Variants in ACER3 observed in about 807,000 individuals in gnomAD.
The protein encoded by ACER3 is alkaline ceramidase 3.
ACER3 carries 16 observed loss-of-function variants against 48.9 expected under a neutral mutation model. That is an observed-to-expected ratio of 0.33 (90% CI 0.22 to 0.50). ACER3 has a LOEUF of 0.50. Among genes scored for constraint, ACER3 ranks in the 20% least tolerant of loss-of-function variants. ACER3 has a pLI of 0.98. For missense variants in ACER3, 227 were observed against 326.0 expected, an observed-to-expected ratio of 0.70 and a Z score of 2.34; for synonymous variants, 109 against 107.8, an observed-to-expected ratio of 1.01 and a Z score of -0.07.
chr11:76,908,480 G>A (rs1234561179), intron 1 of ACER3, among the ~76,000 whole-genome samples: 2 of 151,946 alleles, frequency 1.3e-5, no homozygotes, highest in Non-Finnish European at 2.9e-5. Context: ...CAAATCATGA[G>A]GGAACTCCCA....
intron 1 of ACER3, among the ~76,000 whole-genome samples, 168 bp from the exon 2 acceptor site, chr11:76,926,389 G>A (rs1482855640): frequency 4.6e-5 from 7 of 152,148 alleles, no homozygotes; most frequent in African/African-American, 1.7e-4. Flanking sequence ...GGATTATTGT[G>A]AGAAATTTTT....
intron 9 of ACER3, among the ~76,000 whole-genome samples, chr11:77,018,901 G>C (rs1412787817): frequency 6.6e-6 from 1 of 152,228 alleles, no homozygotes; most frequent in Non-Finnish European, 1.5e-5. Flanking sequence ...AGGTGAAGCT[G>C]CAGCAAGTTA....
intron 2 of ACER3, among the ~76,000 whole-genome samples, chr11:76,956,216 T>A (rs1201839893): frequency 6.6e-6 from 1 of 152,192 alleles, no homozygotes; most frequent in Non-Finnish European, 1.5e-5. Flanking sequence ...AGAAACCTGA[T>A]AAACAGCAAA....
chr11:77,020,047 T>C (rs1015937749), intron 10 of ACER3, among the ~76,000 whole-genome samples: 12 of 152,194 alleles, frequency 7.9e-5, no homozygotes, highest in Admixed American at 2.6e-4. Context: ...AGCTCCATGC[T>C]TGACAAAGTC....
At chr11:76,942,169 TG>T (rs1296581927) in intron 2 of ACER3, among the ~76,000 whole-genome samples, 1 of 152,090 alleles carries the variant, frequency 6.6e-6, no homozygotes, top group African/African-American at 2.4e-5. Context: ...TTTTTTCTTT[TG>T]CCTGATTGCT....
intron 1 of ACER3, among the ~76,000 whole-genome samples, chr11:76,922,620 A>G (rs1022565363): frequency 6.6e-6 from 1 of 152,198 alleles, no homozygotes; most frequent in Non-Finnish European, 1.5e-5. Flanking sequence ...TTAAAACATT[A>G]TAATTAATAA....
At chr11:76,868,375 ATC>A (rs751868659) in intron 1 of ACER3, 9,206 of 470,830 alleles carry the variant, frequency 0.02, 91 homozygotes, top group African/African-American at 0.025. Context: ...TAGTTTTAAT[ATC>A]TCTCTCTCTC....
chr11:76,976,374 AT>A, intron 4 of ACER3, 33 bp downstream of exon 4: 1 of 1,385,262 alleles, frequency 7.2e-7, no homozygotes, highest in Non-Finnish European at 1.0e-6. Flanking sequence ...TGTTTGATTT[AT>A]TTTTAAATTT....
At chr11:76,976,260 A>G (rs1265521636) in intron 3 of ACER3, 29 bp from the exon 4 acceptor site, 1 of 1,541,494 alleles carries the variant, frequency 6.5e-7, no homozygotes, top group Non-Finnish European at 8.9e-7. Flanking sequence ...ATGATATTCA[A>G]GCCTGTTATC....
chr11:76,939,702 G>A (rs61900091), intron 2 of ACER3, among the ~76,000 whole-genome samples: 1 of 152,180 alleles, frequency 6.6e-6, no homozygotes, highest in South Asian at 2.1e-4. Context: ...CAAAAGTGCT[G>A]AATGAAATTA....
intron 2 of ACER3, among the ~76,000 whole-genome samples, chr11:76,948,507 TG>T (rs756230165): frequency 3.3e-5 from 5 of 152,188 alleles, no homozygotes; most frequent in Admixed American, 6.5e-5. Context: ...CTATTGTGAA[TG>T]CTATCTTCAC....
At chr11:76,994,508 C>T (rs545221847) in intron 6 of ACER3, among the ~76,000 whole-genome samples, 158 of 151,992 alleles carry the variant, frequency 1.0e-3, no homozygotes, top group Non-Finnish European at 1.3e-3. Context: ...TCAAGTGATC[C>T]GCCTGCCTTG....
chr11:77,010,140 T>C (rs1221303480), intron 7 of ACER3, among the ~76,000 whole-genome samples: 1 of 150,408 alleles, frequency 6.6e-6, no homozygotes, highest in African/African-American at 2.5e-5. Flanking sequence ...AAATGTATTC[T>C]TGTGAGACCC....
At chr11:76,904,653 AT>A (rs1820263350) in intron 1 of ACER3, among the ~76,000 whole-genome samples, 1 of 152,208 alleles carries the variant, frequency 6.6e-6, no homozygotes, top group African/African-American at 2.4e-5. Context: ...AAATAAAAAA[AT>A]AAAATGAAAT....
intron 1 of ACER3, among the ~76,000 whole-genome samples, chr11:76,903,570 A>G (rs1479321980): frequency 1.3e-5 from 2 of 151,002 alleles, no homozygotes; most frequent in Non-Finnish European, 3.0e-5. Context: ...TCTGCTTATA[A>G]CTCCTCCCAT....
At chr11:76,874,509 T>C (rs1945320974) in intron 1 of ACER3, among the ~76,000 whole-genome samples, 1 of 152,250 alleles carries the variant, frequency 6.6e-6, no homozygotes, top group Non-Finnish European at 1.5e-5. Flanking sequence ...TATCCACTTA[T>C]TTAGTCAAAC....
intron 5 of ACER3, among the ~76,000 whole-genome samples, chr11:76,988,985 T>C (rs1181396027): frequency 1.3e-5 from 2 of 152,202 alleles, no homozygotes; most frequent in Admixed American, 1.3e-4. Context: ...TTATGTTAGT[T>C]GTGAAAATTA....
At chr11:76,987,982 C>T (rs543984119) in intron 5 of ACER3, among the ~76,000 whole-genome samples, 3 of 152,112 alleles carry the variant, frequency 2.0e-5, no homozygotes, top group African/African-American at 7.2e-5. Flanking sequence ...GAAATACTTA[C>T]ATTTGAGGAC....
intron 5 of ACER3, among the ~76,000 whole-genome samples, chr11:76,989,384 A>T (rs931607560): frequency 6.6e-6 from 1 of 152,096 alleles, no homozygotes; most frequent in African/African-American, 2.4e-5. Flanking sequence ...AATATCAAAG[A>T]TATTATAGTC....
Sources: gnomAD v4.1 joint callset for allele counts (sites outside exome capture counted in the v4.1 genomes callset) on GRCh38, gnomAD v4.1.1 for gene constraint, MANE v1.5 for transcripts, NCBI Gene and HGNC (gene_info 2026-07-23, HGNC 2026-07-21) for gene names.